The following C6orf132 variants were observed in gnomAD, a reference collection of about 807,000 sequenced individuals.
The protein encoded by C6orf132 is chromosome 6 open reading frame 132, also known as uncharacterized protein C6orf132.
C6orf132 carries 43 observed loss-of-function variants against 65.3 expected under a neutral mutation model. The ratio of observed to expected loss-of-function variants is 0.66; its 90% CI spans 0.52 to 0.85. C6orf132 has a LOEUF of 0.85. Among genes scored for constraint, C6orf132 ranks in the 40% least tolerant of loss-of-function variants. The pLI is 0.00. For synonymous variants in C6orf132, 631 were observed against 654.1 expected, an observed-to-expected ratio of 0.96 and a Z score of 0.54; for missense variants, 1,488 against 1,548.8, an observed-to-expected ratio of 0.96 and a Z score of 0.66.
chr6:42,135,402 C>T (rs1342334121), intron 1 of C6orf132, among the ~76,000 whole-genome samples: 5 of 152,202 alleles, frequency 3.3e-5, no homozygotes, highest in Non-Finnish European at 7.3e-5. Context: ...GGCTGGGGTA[C>T]GTGTTAAATG....
At chr6:42,138,850 A>AAACACACACAC (rs150330631) in intron 1 of C6orf132, among the ~76,000 whole-genome samples, 2 of 142,748 alleles carry the variant, frequency 1.4e-5, no homozygotes, top group Non-Finnish European at 3.0e-5. Flanking sequence ...CATGCATTTA[A>AAACACACACAC]ACACACACAC....
chr6:42,115,640 C>T (rs917656374), intron 2 of C6orf132, among the ~76,000 whole-genome samples: 7 of 151,704 alleles, frequency 4.6e-5, no homozygotes, highest in African/African-American at 7.3e-5. Flanking sequence ...AGCGAGACTC[C>T]GTCTCAAAAA....
rs1256701734 is a variant in C6orf132, at chr6:42,105,178, T to C, written c.2734A>G (p.Ile912Val). The C allele has an allele frequency of 6.5e-7, 1 of 1,537,178 alleles. No individual in the cohort carries two copies. The highest frequency in any genetic ancestry group is 2.4e-5 in the East Asian group (1 of 40,904). The stretch of plus-strand genomic sequence containing the variant: ...AGCCGCGGCCCCCACTTATTGGGTA[T>C]TTCGGTCGTCAGCGGGGAGTCCTTC... ...AEKDSPLTTEIPNKWGPRLGR... is the reference protein window; with the variant it reads ...AEKDSPLTTEVPNKWGPRLGR... The change falls in exon 4 of 5, where the codon ATA becomes GTA. Residue 912 changes from isoleucine to valine, a missense_variant. By Grantham distance (29) the Ile-to-Val change is conservative. Transcript: ENST00000341865.
At chr6:42,119,341 C>CTTT (rs36124736) in intron 2 of C6orf132, among the ~76,000 whole-genome samples, 805 of 78,216 alleles carry the variant, frequency 0.01, 107 homozygotes, top group African/African-American at 0.014. Flanking sequence ...AGCTTTCCAG[C>CTTT]TTTTTTTTTT....
chr6:42,140,100 G>A (rs989106666), intron 1 of C6orf132, among the ~76,000 whole-genome samples: 9 of 152,258 alleles, frequency 5.9e-5, no homozygotes, highest in African/African-American at 1.4e-4. Context: ...ACACTGAGGC[G>A]CTGTTCTGCT....
chr6:42,106,214 G>C lies in C6orf132; in HGVS notation c.1698C>G (p.Ile566Met), dbSNP rs1288207609. 1 of 1,537,190 alleles carries C rather than the reference G, an allele frequency of 6.5e-7. No homozygotes were observed. Among genetic ancestry groups the C allele is most frequent in the East Asian group, 2.4e-5 (1 of 40,912 alleles). The part of the protein sequence containing the change: ...QDSPTPSVRQ[I>M]RNELEARLSS... ...AGAGCCGGGCCTCCAGCTCATTCCG[G>C]ATCTGCCGCACACTGGGAGTTGGAG... The change falls in exon 4 of 5, where the codon ATC becomes ATG. Residue 566 changes from isoleucine (I) to methionine (M), a missense_variant. Coordinates refer to ENST00000341865, the MANE Select transcript of C6orf132 (RefSeq NM_001164446.3).
chr6:42,136,150 T>G, intron 1 of C6orf132, among the ~76,000 whole-genome samples: 1 of 100,424 alleles, frequency 1.0e-5, no homozygotes, highest in African/African-American at 4.3e-5. Flanking sequence ...AAAACTTACC[T>G]GTAAGCCATC....
intron 1 of C6orf132, among the ~76,000 whole-genome samples, chr6:42,129,826 G>A (rs1766824740): frequency 6.6e-6 from 1 of 152,252 alleles, no homozygotes; most frequent in South Asian, 2.1e-4. Flanking sequence ...GAGAAGAAAG[G>A]TTAGAATCCC....
intron 2 of C6orf132, among the ~76,000 whole-genome samples, chr6:42,121,986 G>A (rs1252110494): frequency 2.0e-5 from 3 of 152,202 alleles, no homozygotes; most frequent in Non-Finnish European, 2.9e-5. Context: ...CCTGGTGGAC[G>A]TGGTAGAGGA....
rs1012667207 is a variant in C6orf132, at chr6:42,142,431, T to G, written c.14A>C (p.Gln5Pro). 1.9e-6 allele frequency: 3 copies of G among 1,551,070 alleles called. No individual in the cohort carries two copies. The highest frequency in any genetic ancestry group is 2.6e-6 in the Non-Finnish European group (3 of 1,146,648). The change falls in exon 1 of 5, where the codon CAG becomes CCG. Residue 5 changes from glutamine (Q) to proline (P), a missense_variant. Transcript: ENST00000341865. MKKKQTVQGTFSKLF... is the reference protein window; with the variant it reads MKKKPTVQGTFSKLF... Reference sequence around the variant, plus strand: ...TTTGCTGAAGGTGCCCTGCACCGTCTGCTTCTTTTTCATGCTGCCGCAGCC... The same window carrying G: ...TTTGCTGAAGGTGCCCTGCACCGTCGGCTTCTTTTTCATGCTGCCGCAGCC...
intron 1 of C6orf132, among the ~76,000 whole-genome samples, chr6:42,138,292 GT>G (rs1766980930): frequency 6.6e-6 from 1 of 152,008 alleles, no homozygotes; most frequent in Non-Finnish European, 1.5e-5. Flanking sequence ...GGTTGTTTTT[GT>G]TTTTGTTTTT....
chr6:42,109,999 A>T (rs1766470530), intron 3 of C6orf132, among the ~76,000 whole-genome samples: 1 of 152,144 alleles, frequency 6.6e-6, no homozygotes, highest in African/African-American at 2.4e-5. Flanking sequence ...CCCGCCAGAA[A>T]GGGGCCTTCA....
intron 1 of C6orf132, among the ~76,000 whole-genome samples, chr6:42,132,623 G>A (rs924730354): frequency 2.6e-4 from 40 of 152,024 alleles, no homozygotes; most frequent in Non-Finnish European, 5.1e-4. Context: ...GCCGAGGTGG[G>A]TGGATCATGA....
intron 2 of C6orf132, among the ~76,000 whole-genome samples, chr6:42,111,863 T>A (rs1766499866): frequency 6.6e-6 from 1 of 152,174 alleles, no homozygotes; most frequent in Non-Finnish European, 1.5e-5. Flanking sequence ...TTTCCATATG[T>A]CAACAAAGTC....
At chr6:42,134,731 G>A (rs1465531734) in intron 1 of C6orf132, among the ~76,000 whole-genome samples, 2 of 140,710 alleles carry the variant, frequency 1.4e-5, no homozygotes, top group Non-Finnish European at 3.0e-5. Context: ...CCGAGATTGA[G>A]CCATTGCACT....
chr6:42,139,704 T>C (rs539978411), intron 1 of C6orf132, among the ~76,000 whole-genome samples: 2 of 152,290 alleles, frequency 1.3e-5, no homozygotes, highest in Admixed American at 6.5e-5. Flanking sequence ...TTTTGTTTTG[T>C]TTTTTAGCTC....
rs1766395195 is a variant in C6orf132 at position 42,105,941 on chromosome 6, A to G, written c.1971T>C (p.Leu657=). 1.3e-6 allele frequency: 2 copies of G among 1,536,978 alleles called. No homozygotes were observed. The highest frequency in any genetic ancestry group is 1.2e-5 in the South Asian group (1 of 84,028). Residue 657 remains leucine, a synonymous_variant, in exon 4 of 5, where the codon CTT becomes CTC. Transcript: ENST00000341865. Reference sequence around the variant, plus strand: ...TGGCCTTGGGTGGTGTGGCTGGCCAAAGTGTAGCCTTGGGTGGTATGGCTG... The same window carrying G: ...TGGCCTTGGGTGGTGTGGCTGGCCAGAGTGTAGCCTTGGGTGGTATGGCTG... ...PEPAIPPKAT[L]WPATPPKATL... is the part of the protein sequence containing the mutation.
rs1022032283 is a variant in C6orf132, at chr6:42,105,717, C to G, written c.2195G>C (p.Arg732Thr). Reference sequence around the variant, plus strand: ...GGCCTCTGAGGGGGACCCCTCTCCCCTTGCCTGGGAGGGAGTGGAAACTTC... The same window carrying G: ...GGCCTCTGAGGGGGACCCCTCTCCCGTTGCCTGGGAGGGAGTGGAAACTTC... ...SQEVSTPSQA[R>T]GEGSPSEATR... Residue 732 changes from arginine (R) to threonine (T), a missense_variant, in exon 4 of 5, where the codon AGG becomes ACG. By Grantham distance (71) the Arg-to-Thr change is moderately conservative (BLOSUM62 -1). Transcript: ENST00000341865. 5.9e-6 allele frequency: 9 copies of G among 1,537,212 alleles called. No individual in the cohort carries two copies. In the Admixed American group the frequency reaches 5.9e-5, roughly 10 times the overall value.
In C6orf132 at chr6:42,117,923, CAAAAAAAAA is replaced by C. The variant is rs556142891; in HGVS notation, c.253-7641_253-7633del. 5.2e-3 allele frequency among the ~76,000 whole-genome samples: 324 copies of C among 62,364 alleles called. 2 individuals are homozygous for C. Among genetic ancestry groups the C allele is most frequent in the African/African-American group, 0.017 (286 of 16,770 alleles). The allele number at this position is 62,364 out of a possible 152,430, so 40.9% of individuals were successfully genotyped here. ...TGAGTGACAGAGCAAAACCCTGTCACAAAAAAAAAAAAAAAAAAAAAAAAAAAGAATATG... is the reference window on the plus strand; with the variant it reads ...TGAGTGACAGAGCAAAACCCTGTCACAAAAAAAAAAAAAAAAAAGAATATG... On this transcript the variant is annotated intron_variant, in intron 2 of 4. Coordinates refer to ENST00000341865, the MANE Select transcript of C6orf132 (RefSeq NM_001164446.3).
Sources: allele counts gnomAD v4.1 joint callset (sites outside exome capture counted in the v4.1 genomes callset), GRCh38; gene constraint gnomAD v4.1.1; transcripts MANE v1.5; gene names NCBI Gene and HGNC (gene_info 2026-07-23, HGNC 2026-07-21).